The following ENAH variants were observed in gnomAD, a reference collection of about 807,000 sequenced individuals.
The protein encoded by ENAH is ENAH actin regulator, also known as protein enabled homolog.
Under a neutral mutation model 78.7 loss-of-function variants are expected in ENAH, and 23 were observed. The observed-to-expected ratio is 0.29, with a 90% CI of 0.21 to 0.41. The LOEUF is 0.41. ENAH is among the 10% of genes least tolerant of loss of function. The probability of loss-of-function intolerance (pLI) is 1.00; values close to 1 mark genes in which losing one functional copy is unlikely to be tolerated. For synonymous variants in ENAH, 226 were observed against 241.0 expected, an observed-to-expected ratio of 0.94 and a Z score of 0.58; for missense variants, 544 against 691.0, an observed-to-expected ratio of 0.79 and a Z score of 2.39.
At chr1:225,518,924 C>T (rs895262804) in intron 5 of ENAH, 7 of 437,138 alleles carry the variant, frequency 1.6e-5, no homozygotes, top group Admixed American at 4.0e-5. Context: ...AACACACTTA[C>T]ACTTTATAGC....
At chr1:225,611,221 T>C (rs2096986822) in intron 1 of ENAH, among the ~76,000 whole-genome samples, 1 of 152,138 alleles carries the variant, frequency 6.6e-6, no homozygotes, top group African/African-American at 2.4e-5. Flanking sequence ...CCCAGCACTT[T>C]GGGAGCCAAA....
chr1:225,591,052 T>C (rs2096873170), intron 1 of ENAH, among the ~76,000 whole-genome samples: 1 of 152,236 alleles, frequency 6.6e-6, no homozygotes, highest in African/African-American at 2.4e-5. Flanking sequence ...GCTATAACAC[T>C]TTTTAAGTTA....
chr1:225,644,369 T>C (rs1661585404), intron 1 of ENAH, among the ~76,000 whole-genome samples: 2 of 152,180 alleles, frequency 1.3e-5, no homozygotes, highest in Admixed American at 6.5e-5. Flanking sequence ...AGTAAAAGTT[T>C]TAAATGAAAA....
At chr1:225,564,155 TC>T (rs1480343518) in intron 2 of ENAH, among the ~76,000 whole-genome samples, 1 of 152,102 alleles carries the variant, frequency 6.6e-6, no homozygotes, top group Non-Finnish European at 1.5e-5. Flanking sequence ...TTGTTCTGTC[TC>T]CCAGGTTGGA....
intron 3 of ENAH, among the ~76,000 whole-genome samples, chr1:225,533,673 A>C (rs2096548630): frequency 6.6e-6 from 1 of 152,166 alleles, no homozygotes; most frequent in African/African-American, 2.4e-5. Context: ...GTAACAGAGA[A>C]ATGTGGCAAT....
At chr1:225,511,029 T>TA (rs373615769) in intron 10 of ENAH, among the ~76,000 whole-genome samples, 21 of 151,818 alleles carry the variant, frequency 1.4e-4, no homozygotes, top group African/African-American at 4.8e-4. Flanking sequence ...TCAAAAAAAT[T>TA]AAAAAAATGA....
At chr1:225,648,929 C>A (rs1662473202) in intron 1 of ENAH, among the ~76,000 whole-genome samples, 1 of 152,064 alleles carries the variant, frequency 6.6e-6, no homozygotes, top group African/African-American at 2.4e-5. Flanking sequence ...AAGGGAACAG[C>A]TTCCTCACCT....
intron 1 of ENAH, among the ~76,000 whole-genome samples, chr1:225,596,960 G>A (rs1339679549): frequency 1.3e-5 from 2 of 152,302 alleles, no homozygotes; most frequent in East Asian, 3.9e-4. Context: ...AGTGGTCACA[G>A]CTGTTAGGTG....
At chr1:225,619,893 C>T (rs1656488543) in intron 1 of ENAH, among the ~76,000 whole-genome samples, 1 of 151,736 alleles carries the variant, frequency 6.6e-6, no homozygotes, top group Non-Finnish European at 1.5e-5. Flanking sequence ...ATTCACTAAG[C>T]TAAAAAAAAA....
Position 225,583,026 on chromosome 1 carries a change from A to C in ENAH, c.6-15612T>G, listed in dbSNP as rs75262134. Among the ~76,000 whole-genome samples, 677 of 152,320 alleles carry C rather than the reference A, an allele frequency of 4.4e-3. 5 individuals carry two copies. The highest frequency in any genetic ancestry group is 0.015 in the African/African-American group (630 of 41,562). On this transcript the variant is annotated intron_variant, in intron 1 of 13. Transcript: ENST00000366843. ...ATCTTCATATTGTACTGCAGAAACAAAAGAGAACAGAGACAATAAAACAAC... is the reference window on the plus strand; with the variant it reads ...ATCTTCATATTGTACTGCAGAAACACAAGAGAACAGAGACAATAAAACAAC...
chr1:225,545,805 C>G (rs2096610078), intron 3 of ENAH, among the ~76,000 whole-genome samples: 1 of 151,678 alleles, frequency 6.6e-6, no homozygotes. Flanking sequence ...TCAAGATTCC[C>G]AATTTTACAC....
At chr1:225,545,189 T>C (rs2096607383) in intron 3 of ENAH, among the ~76,000 whole-genome samples, 2 of 152,292 alleles carry the variant, frequency 1.3e-5, no homozygotes, top group Non-Finnish European at 2.9e-5. Flanking sequence ...GGCATGTCCA[T>C]CTACATTGAA....
chr1:225,602,448 A>C (rs1368466207), intron 1 of ENAH, among the ~76,000 whole-genome samples: 3 of 152,178 alleles, frequency 2.0e-5, no homozygotes, highest in Non-Finnish European at 4.4e-5. Flanking sequence ...ATACTGACTA[A>C]TCAAATCCAA....
chr1:225,532,105 G>A (rs1484566592), intron 3 of ENAH, among the ~76,000 whole-genome samples: 1 of 151,954 alleles, frequency 6.6e-6, no homozygotes, highest in African/African-American at 2.4e-5. Flanking sequence ...CATGATTGCT[G>A]TCTAGTAAAC....
In ENAH at chr1:225,586,821, C is replaced by T. The variant is rs939557159; in HGVS notation, c.6-19407G>A. Reference sequence around the variant, plus strand: ...GGCGAACCACTTGAGGGCAGGAGTTCGAGACCAGCCTGGCCAACATGGTGA... The same window carrying T: ...GGCGAACCACTTGAGGGCAGGAGTTTGAGACCAGCCTGGCCAACATGGTGA... On this transcript the variant is annotated intron_variant, in intron 1 of 13. Coordinates refer to ENST00000366843, the MANE Select transcript of ENAH (RefSeq NM_018212.6). 2.6e-5 allele frequency among the ~76,000 whole-genome samples: 4 copies of T among 151,700 alleles called. No homozygotes were observed. In the East Asian group the frequency reaches 7.8e-4, roughly 29 times the overall value.
chr1:225,536,438 A>G (rs1218871261), intron 3 of ENAH, among the ~76,000 whole-genome samples: 1 of 152,072 alleles, frequency 6.6e-6, no homozygotes, highest in Non-Finnish European at 1.5e-5. Flanking sequence ...CTTTACATCA[A>G]TAATTTTCTG....
intron 1 of ENAH, among the ~76,000 whole-genome samples, chr1:225,626,906 T>C (rs941410890): frequency 1.3e-4 from 20 of 152,168 alleles, no homozygotes; most frequent in African/African-American, 4.1e-4. Flanking sequence ...GTTCAAATCA[T>C]TGTCAGCTGA....
intron 1 of ENAH, among the ~76,000 whole-genome samples, chr1:225,571,652 C>T (rs1482485726): frequency 6.6e-6 from 1 of 152,172 alleles, no homozygotes; most frequent in East Asian, 1.9e-4. Flanking sequence ...CCCACACTTC[C>T]CACCTCATTA....
At chr1:225,506,876 C>T (rs1455330524) in intron 11 of ENAH, among the ~76,000 whole-genome samples, 1 of 152,114 alleles carries the variant, frequency 6.6e-6, no homozygotes, top group African/African-American at 2.4e-5. Flanking sequence ...TATCCCTGTA[C>T]TTATCTTTAT....
Sources: gnomAD v4.1 joint callset for allele counts (sites outside exome capture counted in the v4.1 genomes callset) on GRCh38, gnomAD v4.1.1 for gene constraint, MANE v1.5 for transcripts, NCBI Gene and HGNC (gene_info 2026-07-23, HGNC 2026-07-21) for gene names.